NR1H4: variants seen among roughly 807,000 people sequenced by gnomAD.
NR1H4 encodes nuclear receptor subfamily 1 group H member 4, also known as bile acid receptor.
Under a neutral mutation model 58.5 loss-of-function variants are expected in NR1H4, and 23 were observed. The observed-to-expected ratio is 0.39, with a 90% CI of 0.28 to 0.56. The LOEUF (loss-of-function observed/expected upper bound fraction) is 0.56, where lower values mean the gene tolerates loss of function less well. NR1H4 is among the 20% of genes least tolerant of loss of function. The probability of loss-of-function intolerance (pLI) is 0.58; values close to 1 mark genes in which losing one functional copy is unlikely to be tolerated. For missense variants in NR1H4, 487 were observed against 576.9 expected, an observed-to-expected ratio of 0.84 and a Z score of 1.60; for synonymous variants, 214 against 198.0, an observed-to-expected ratio of 1.08 and a Z score of -0.68.
chr12:100,485,235 T>A (rs1269073588), intron 1 of NR1H4, among the ~76,000 whole-genome samples: 1 of 152,164 alleles, frequency 6.6e-6, no homozygotes, highest in Non-Finnish European at 1.5e-5. Flanking sequence ...TTTTAGACTT[T>A]GCAGACCATA....
chr12:100,501,204 G>A (rs1953826307), intron 3 of NR1H4, among the ~76,000 whole-genome samples: 1 of 151,740 alleles, frequency 6.6e-6, no homozygotes, highest in South Asian at 2.1e-4. Flanking sequence ...ACTTAGTGGA[G>A]AATTCTTGAA....
At chr12:100,534,211 T>C (rs1954763244) in intron 5 of NR1H4, among the ~76,000 whole-genome samples, 1 of 152,210 alleles carries the variant, frequency 6.6e-6, no homozygotes, top group Non-Finnish European at 1.5e-5. Context: ...TCTCTTTAAG[T>C]GTAAATCAAT....
intron 1 of NR1H4, among the ~76,000 whole-genome samples, chr12:100,489,777 T>A (rs1478601480): frequency 6.6e-6 from 1 of 152,216 alleles, no homozygotes; most frequent in African/African-American, 2.4e-5. Context: ...AAGACTTTTT[T>A]TCAGTATACT....
chr12:100,479,230 A>G (rs966255409), intron 1 of NR1H4, among the ~76,000 whole-genome samples: 21 of 152,148 alleles, frequency 1.4e-4, no homozygotes, highest in Non-Finnish European at 2.4e-4. Context: ...CAACGTTCTC[A>G]AATGTATTCT....
At chr12:100,552,965 A>G (rs546197186) in intron 9 of NR1H4, among the ~76,000 whole-genome samples, 2 of 151,304 alleles carry the variant, frequency 1.3e-5, no homozygotes, top group Non-Finnish European at 2.9e-5. Context: ...GTCAGGCAGC[A>G]TGGCAGCCAC....
chr12:100,536,747 C>A, intron 7 of NR1H4, 137 bp downstream of exon 7: 1 of 685,422 alleles, frequency 1.5e-6, no homozygotes. Context: ...GACTTTTAAA[C>A]TCTCAGCAAC....
Position 100,540,744 on chromosome 12 carries a change from G to A in NR1H4, c.1004G>A (p.Arg335His), listed in dbSNP as rs895789918. 8.1e-6 allele frequency: 13 copies of A among 1,613,988 alleles called. No individual in the cohort carries two copies. The highest frequency in any genetic ancestry group is 5.0e-5 in the Admixed American group (3 of 59,986). Residue 335 changes from arginine to histidine, a missense_variant, in exon 9 of 11, where the codon CGT (arginine) becomes CAT (histidine). Physicochemically the swap from Arg to His is conservative, Grantham distance 29. Transcript: ENST00000392986. ...TCTGCGGTTGAAGCTATGTTCCTTC[G>A]TTCAGCTGAGATTTTCAATAAGAAA... is the stretch of plus-strand genomic sequence containing the variant. The part of the protein sequence containing the change: ...KGSAVEAMFL[R>H]SAEIFNKKLP...
chr12:100,563,442 GACC>G lies in NR1H4; in HGVS notation c.1387_1389del (p.His463del). 1 of 1,614,090 alleles carries G rather than the reference GACC, an allele frequency of 6.2e-7. No individual in the cohort carries two copies. The highest frequency in any genetic ancestry group is 8.5e-7 in the Non-Finnish European group (1 of 1,180,010). On this transcript the variant is annotated inframe_deletion, in exon 11 of 11. Transcript: ENST00000392986. ...GATGCTGATGTCATGGAGAGTAAAC[GACC>G]ACAAGTTTACCCCACTTCTCTGTGA...
At chr12:100,482,770 A>C (rs928253130) in intron 1 of NR1H4, among the ~76,000 whole-genome samples, 2 of 152,150 alleles carry the variant, frequency 1.3e-5, no homozygotes, top group Non-Finnish European at 2.9e-5. Flanking sequence ...GAAGACATTC[A>C]CTTCCAGGTT....
intron 1 of NR1H4, among the ~76,000 whole-genome samples, chr12:100,485,276 C>G (rs1032268384): frequency 6.6e-6 from 1 of 152,150 alleles, no homozygotes; most frequent in Admixed American, 6.5e-5. Context: ...GTACTTAACT[C>G]TGTACTGTGG....
chr12:100,518,177 C>T (rs1221959540), intron 4 of NR1H4, among the ~76,000 whole-genome samples: 4 of 152,120 alleles, frequency 2.6e-5, no homozygotes, highest in Admixed American at 6.5e-5. Flanking sequence ...GGTCCACCTG[C>T]GAAGAGTTCT....
chr12:100,474,259 G>C (rs1024602608), intron 1 of NR1H4, among the ~76,000 whole-genome samples, 200 bp downstream of exon 1: 11 of 152,178 alleles, frequency 7.2e-5, no homozygotes, highest in Admixed American at 7.2e-4. Flanking sequence ...AAGTTAATGA[G>C]TCTTAACAGT....
In NR1H4 at chr12:100,554,392, A is replaced by AACACACACACAC. The variant is rs60582622; in HGVS notation, c.1079-7472_1079-7461dup. Among the ~76,000 whole-genome samples, 724 of 148,088 alleles carry AACACACACACAC rather than the reference A, an allele frequency of 4.9e-3. 13 individuals are homozygous for AACACACACACAC. The East Asian group carries it at 0.062, about 13-fold the overall frequency. ...TAGTGTAATATGCATACTTGTAAAT[A>AACACACACACAC]ACACACACACACACACACACACACA... is the stretch of plus-strand genomic sequence containing the variant. On this transcript the variant is annotated intron_variant, in intron 9 of 10. Transcript: ENST00000392986.
rs146628386 is a variant in NR1H4 at position 100,495,799 on chromosome 12, A to G, written c.79+2397A>G. The stretch of plus-strand genomic sequence containing the variant: ...AAAGGGGAGGACGAAGAAAATTTTG[A>G]TTCCTTTATTCCTCTTCCTCATCTT... On this transcript the variant is annotated intron_variant, in intron 3 of 10. Transcript: ENST00000392986. Among the ~76,000 whole-genome samples, 28 of 151,990 alleles carry G rather than the reference A, an allele frequency of 1.8e-4. No individual in the cohort carries two copies. In the East Asian group the frequency reaches 3.1e-3, roughly 17 times the overall value.
intron 4 of NR1H4, among the ~76,000 whole-genome samples, chr12:100,531,049 A>G (rs532210662): frequency 2.0e-5 from 3 of 152,298 alleles, no homozygotes; most frequent in South Asian, 4.1e-4. Context: ...TGTGAAGAGA[A>G]CCACATAGAG....
chr12:100,521,314 C>T (rs1351307087), intron 4 of NR1H4, among the ~76,000 whole-genome samples: 1 of 152,112 alleles, frequency 6.6e-6, no homozygotes, highest in African/African-American at 2.4e-5. Context: ...CTTGGGAACA[C>T]AAGCATCACG....
intron 4 of NR1H4, among the ~76,000 whole-genome samples, chr12:100,530,802 T>G (rs1566460465): frequency 6.6e-6 from 1 of 152,144 alleles, no homozygotes; most frequent in Non-Finnish European, 1.5e-5. Flanking sequence ...AAATGTATAC[T>G]AAAGAGGTCC....
chr12:100,511,286 T>C, intron 4 of NR1H4, 143 bp downstream of exon 4: 1 of 970,432 alleles, frequency 1.0e-6, no homozygotes, highest in East Asian at 2.4e-5. Context: ...ATCCTCACCT[T>C]TGTTGTGTAG....
At chr12:100,541,733 A>T (rs1435645443) in intron 9 of NR1H4, among the ~76,000 whole-genome samples, 1 of 151,182 alleles carries the variant, frequency 6.6e-6, no homozygotes, top group South Asian at 2.1e-4. Flanking sequence ...AGTAGCTGGG[A>T]CTACAGGCGC....
Sources: gnomAD v4.1 joint callset for allele counts (sites outside exome capture counted in the v4.1 genomes callset) on GRCh38, gnomAD v4.1.1 for gene constraint, MANE v1.5 for transcripts, NCBI Gene and HGNC (gene_info 2026-07-23, HGNC 2026-07-21) for gene names.